MBIP: variants seen among roughly 807,000 people sequenced by gnomAD.
MBIP encodes the protein MAP3K12 binding inhibitory protein 1.
In MBIP, 32 loss-of-function variants were observed where a neutral mutation model predicts 45.7. That is an observed-to-expected ratio of 0.70 (90% CI 0.53 to 0.94). The LOEUF is 0.94. Among genes scored for constraint, MBIP ranks in the 40% least tolerant of loss-of-function variants. The probability of loss-of-function intolerance (pLI) is 0.00; values close to 1 mark genes in which losing one functional copy is unlikely to be tolerated. For synonymous variants in MBIP, 145 were observed against 141.0 expected (o/e 1.03, Z -0.20); for missense variants, 381 against 405.5 (o/e 0.94, Z 0.52).
intron 6 of MBIP, among the ~76,000 whole-genome samples, chr14:36,310,898 CT>C (rs1392884383): frequency 6.6e-6 from 1 of 152,072 alleles, no homozygotes; most frequent in African/African-American, 2.4e-5. Context: ...ACATTTTTAG[CT>C]GGGAAGAAAC....
chr14:36,320,327 T>G, intron 1 of MBIP, 133 bp downstream of exon 1: 2 of 1,320,208 alleles, frequency 1.5e-6, no homozygotes, highest in Non-Finnish European at 2.1e-6. Flanking sequence ...CCGGGCTCCT[T>G]CCACACCTCG....
intron 7 of MBIP, among the ~76,000 whole-genome samples, chr14:36,305,992 G>C (rs1220152194): frequency 6.6e-6 from 1 of 151,792 alleles, no homozygotes; most frequent in African/African-American, 2.4e-5. Flanking sequence ...AGTTTCTCTC[G>C]TTTGTCTCCC....
At chr14:36,302,111 T>C (rs1439561002) in intron 7 of MBIP, among the ~76,000 whole-genome samples, 1 of 152,242 alleles carries the variant, frequency 6.6e-6, no homozygotes, top group Non-Finnish European at 1.5e-5. Context: ...GTAGGGCCTA[T>C]GGGCAAATAA....
At chr14:36,309,268 C>T (rs1880061137) in intron 6 of MBIP, among the ~76,000 whole-genome samples, 1 of 152,052 alleles carries the variant, frequency 6.6e-6, no homozygotes, top group South Asian at 2.1e-4. Context: ...TCCTCCTTAC[C>T]TTAATTTTCT....
chr14:36,319,144 T>G (rs1197629763), intron 1 of MBIP, among the ~76,000 whole-genome samples: 1 of 152,182 alleles, frequency 6.6e-6, no homozygotes, highest in Non-Finnish European at 1.5e-5. Context: ...AAGAAATGTT[T>G]AAATCATTGC....
In MBIP at chr14:36,320,467, A is replaced by G. The variant is rs775730622; in HGVS notation, c.122T>C (p.Val41Ala). 3.7e-6 allele frequency: 6 copies of G among 1,613,896 alleles called. No individual in the cohort carries two copies. Among genetic ancestry groups the G allele is most frequent in the Admixed American group, 1.7e-5 (1 of 59,994 alleles). Residue 41 changes from valine to alanine, a missense_variant, in exon 1 of 9, where the codon GTT (valine) becomes GCT (alanine). Transcript: ENST00000416007. ...CCTCAGGCCACCTCTCACCTGTCCA[A>G]CCAGGGTGTGTAGGGAGCGAAAGAT... is the stretch of plus-strand genomic sequence containing the variant. ...YEIFRSLHTL[V>A]GQLDLRDDVV...
chr14:36,299,296 C>G, intron 8 of MBIP, 106 bp from the exon 9 acceptor site: 1 of 746,898 alleles, frequency 1.3e-6, no homozygotes, highest in Non-Finnish European at 2.2e-6. Context: ...AAAGCATGAT[C>G]AAATGGTTTT....
intron 2 of MBIP, 63 bp from the exon 3 acceptor site, chr14:36,314,978 T>C (rs1332844235): frequency 1.1e-6 from 1 of 916,902 alleles, no homozygotes; most frequent in Non-Finnish European, 1.7e-6. Flanking sequence ...ACACACTTAA[T>C]ATATTTACAT....
rs1456457685 is a variant in MBIP at position 36,311,968 on chromosome 14, G to C, written c.628C>G (p.His210Asp). The stretch of plus-strand genomic sequence containing the variant: ...TGTGGTGGTTACTTACCTTTTACGT[G>C]ACTTTTAAATCCGGGGTAAGGGGTA... ...IFTPYPGFKS[H>D]VKVSRVVNTY... The change falls in exon 5 of 9, where the codon CAC (histidine) becomes GAC (aspartate). Residue 210 changes from histidine (H) to aspartate (D), a missense_variant. Coordinates refer to ENST00000416007, the MANE Select transcript of MBIP (RefSeq NM_016586.3). 6.3e-6 allele frequency: 10 copies of C among 1,593,590 alleles called. No homozygotes were observed. Among genetic ancestry groups the C allele is most frequent in the Non-Finnish European group, 8.5e-6 (10 of 1,171,226 alleles).
intron 4 of MBIP, chr14:36,313,624 T>C (rs1341167263): frequency 6.6e-6 from 1 of 152,030 alleles, no homozygotes; most frequent in African/African-American, 2.4e-5. Flanking sequence ...GAGATGCACA[T>C]GTGTAATGTT....
intron 7 of MBIP, among the ~76,000 whole-genome samples, chr14:36,302,113 G>A (rs1326045992): frequency 6.6e-6 from 1 of 152,190 alleles, no homozygotes; most frequent in African/African-American, 2.4e-5. Flanking sequence ...AGGGCCTATG[G>A]GCAAATAAGG....
intron 1 of MBIP, among the ~76,000 whole-genome samples, chr14:36,318,407 A>T (rs565100522): frequency 6.6e-6 from 1 of 152,118 alleles, no homozygotes; most frequent in South Asian, 2.1e-4. Flanking sequence ...TCACAAATTA[A>T]TTTTAAAACT....
chr14:36,302,429 T>C (rs1415185972), intron 7 of MBIP, among the ~76,000 whole-genome samples: 2 of 144,302 alleles, frequency 1.4e-5, no homozygotes, highest in Non-Finnish European at 3.0e-5. Context: ...GAGGCGGAGG[T>C]TGCAGTGAGC....
intron 1 of MBIP, among the ~76,000 whole-genome samples, chr14:36,320,085 T>C (rs1177167701): frequency 6.6e-6 from 1 of 151,734 alleles, no homozygotes; most frequent in Non-Finnish European, 1.5e-5. Flanking sequence ...TCAGGCCTAC[T>C]GACCAACCAA....
At chr14:36,305,787 T>G (rs908312731) in intron 7 of MBIP, among the ~76,000 whole-genome samples, 1 of 152,230 alleles carries the variant, frequency 6.6e-6, no homozygotes, top group Non-Finnish European at 1.5e-5. Flanking sequence ...ATTTTCTTAT[T>G]TCTATCAATG....
chr14:36,312,796 A>G (rs1340319801), intron 4 of MBIP, among the ~76,000 whole-genome samples: 1 of 151,976 alleles, frequency 6.6e-6, no homozygotes, highest in Non-Finnish European at 1.5e-5. Context: ...GATACTACAT[A>G]GTAATAATAT....
At chr14:36,306,307 T>A (rs913415055) in intron 7 of MBIP, among the ~76,000 whole-genome samples, 3 of 152,102 alleles carry the variant, frequency 2.0e-5, no homozygotes, top group African/African-American at 7.2e-5. Flanking sequence ...CAGGCTGGAG[T>A]GCAATGGCGT....
At chr14:36,308,254 C>A (rs1594513685) in intron 6 of MBIP, 65 bp from the exon 7 acceptor site, 4 of 788,520 alleles carry the variant, frequency 5.1e-6, no homozygotes, top group South Asian at 1.7e-5. Flanking sequence ...AATTTTTATT[C>A]TTAAAATACC....
At position 36,301,262 on chromosome 14, in the gene MBIP, C is replaced by T. The variant is rs576180766; in HGVS notation, c.889-439G>A. On this transcript the variant is annotated intron_variant, in intron 7 of 8. Transcript: ENST00000416007. The stretch of plus-strand genomic sequence containing the variant: ...AGGGGTGAAAACACACATACACACA[C>T]CCTGGACTGACTATAGTAGACACTG... 9.9e-5 allele frequency among the ~76,000 whole-genome samples: 15 copies of T among 152,266 alleles called. No homozygotes were observed. The South Asian group carries it at 3.1e-3, about 32-fold the overall frequency.
Sources: allele counts gnomAD v4.1 joint callset (sites outside exome capture counted in the v4.1 genomes callset), GRCh38; gene constraint gnomAD v4.1.1; transcripts MANE v1.5; gene names NCBI Gene and HGNC (gene_info 2026-07-23, HGNC 2026-07-21).